Variants in RALYL observed in about 807,000 individuals in gnomAD.
RALYL encodes the protein RNA-binding Raly-like protein.
In RALYL, 29 loss-of-function variants were observed where a neutral mutation model predicts 35.1. That is an observed-to-expected ratio of 0.83 (90% CI 0.61 to 1.13). The LOEUF is 1.13. Ranked by LOEUF, RALYL falls within the 50% of genes most tolerant of loss-of-function variation. The pLI, the probability that RALYL is intolerant of heterozygous loss-of-function variation, is 0.00. For synonymous variants in RALYL, 120 were observed against 127.6 expected (o/e 0.94, Z 0.40); for missense variants, 359 against 360.4 (o/e 1.00, Z 0.03).
intron 2 of RALYL, among the ~76,000 whole-genome samples, chr8:84,646,688 TG>T (rs747436148): frequency 3.9e-5 from 6 of 152,068 alleles, no homozygotes. Context: ...TGCAGTGTTG[TG>T]GGCGGAGGGA....
intron 2 of RALYL, among the ~76,000 whole-genome samples, chr8:84,765,122 A>C (rs948840558): frequency 3.9e-5 from 6 of 152,008 alleles, no homozygotes; most frequent in Admixed American, 3.9e-4. Context: ...TGGGAGTTGA[A>C]TTTTCTTCTC....
At chr8:84,502,037 T>A (rs1158903289) in intron 1 of RALYL, among the ~76,000 whole-genome samples, 2 of 150,852 alleles carry the variant, frequency 1.3e-5, no homozygotes, top group Non-Finnish European at 3.0e-5. Flanking sequence ...TTTTGTAATT[T>A]ATATAACAAT....
At chr8:84,491,918 C>A (rs543416330) in intron 1 of RALYL, among the ~76,000 whole-genome samples, 1 of 151,716 alleles carries the variant, frequency 6.6e-6, no homozygotes, top group Non-Finnish European at 1.5e-5. Context: ...TCCTTAGAAT[C>A]TTCATTATTT....
At chr8:84,876,970 T>C (rs1586915376) in intron 7 of RALYL, among the ~76,000 whole-genome samples, 1 of 152,220 alleles carries the variant, frequency 6.6e-6, no homozygotes, top group African/African-American at 2.4e-5. Flanking sequence ...ACTCTACACA[T>C]GGCATGCACT....
intron 1 of RALYL, among the ~76,000 whole-genome samples, chr8:84,230,861 C>A (rs1161613831): frequency 1.3e-5 from 2 of 152,192 alleles, no homozygotes; most frequent in Non-Finnish European, 2.9e-5. Context: ...GTCAAGCAAT[C>A]ATTAAATAGC....
At chr8:84,748,349 T>A (rs1265618483) in intron 2 of RALYL, among the ~76,000 whole-genome samples, 1 of 151,928 alleles carries the variant, frequency 6.6e-6, no homozygotes, top group Non-Finnish European at 1.5e-5. Context: ...GATATTTGGA[T>A]AATATGGATG....
intron 1 of RALYL, among the ~76,000 whole-genome samples, chr8:84,425,258 C>A (rs1369733341): frequency 3.3e-5 from 5 of 152,084 alleles, no homozygotes; most frequent in African/African-American, 1.2e-4. Context: ...CGTGGTGCGC[C>A]GTTTTTTAAG....
At chr8:84,826,259 A>C (rs1395685761) in intron 4 of RALYL, among the ~76,000 whole-genome samples, 1 of 149,852 alleles carries the variant, frequency 6.7e-6, no homozygotes, top group Non-Finnish European at 1.5e-5. Flanking sequence ...AATGCACCCA[A>C]GTAACAAAAC....
At position 84,849,937 on chromosome 8, in the gene RALYL, CAT is replaced by C. The variant is rs745804296; in HGVS notation, c.366-42_366-41del. The C allele has an allele frequency of 9.7e-4, 1,058 of 1,093,860 alleles. 2 individuals are homozygous for C. Among genetic ancestry groups the C allele is most frequent in the Non-Finnish European group, 1.3e-3 (987 of 772,316 alleles). The allele number at this position is 1,093,860 out of a possible 1,614,324, so 67.8% of individuals were successfully genotyped here. ...CATAAGTTAATAATAAAATTAATGT[CAT>C]TGAAACAAATGCCAACTAATTTTTT... is the stretch of plus-strand genomic sequence containing the variant. On this transcript the variant is annotated intron_variant, in intron 4 of 8. Coordinates refer to ENST00000521268, the MANE Select transcript of RALYL (RefSeq NM_173848.7).
intron 1 of RALYL, among the ~76,000 whole-genome samples, chr8:84,412,080 T>G (rs1284124016): frequency 6.6e-6 from 1 of 151,990 alleles, no homozygotes; most frequent in Non-Finnish European, 1.5e-5. Flanking sequence ...TGTCTAAAAT[T>G]CATTATTTCA....
intron 1 of RALYL, among the ~76,000 whole-genome samples, chr8:84,433,814 C>T (rs62526849): frequency 0.027 from 1,719 of 62,604 alleles, 34 homozygotes; most frequent in Admixed American, 0.12. Context: ...TGTATGTGTG[C>T]GTGTGTGTGT....
intron 2 of RALYL, among the ~76,000 whole-genome samples, chr8:84,612,137 A>G (rs1425028918): frequency 6.6e-6 from 1 of 151,950 alleles, no homozygotes; most frequent in East Asian, 1.9e-4. Context: ...TAGAAGATTT[A>G]TATTTTGGGA....
chr8:84,381,267 A>C (rs1333134334), intron 1 of RALYL, among the ~76,000 whole-genome samples: 1 of 151,860 alleles, frequency 6.6e-6, no homozygotes. Context: ...TTTAATATTT[A>C]TATTTAGATC....
chr8:84,440,658 A>G (rs2048231799), intron 1 of RALYL, among the ~76,000 whole-genome samples: 3 of 152,016 alleles, frequency 2.0e-5, no homozygotes, highest in Non-Finnish European at 4.4e-5. Flanking sequence ...TTTGAGATTC[A>G]TCTACTTTGT....
chr8:84,864,765 G>A (rs1838839031), intron 6 of RALYL: 4 of 605,028 alleles, frequency 6.6e-6, no homozygotes, highest in Middle Eastern at 2.8e-4. Context: ...GTAGAAAACA[G>A]GGGCCCCTGG....
chr8:84,850,155 C>A, intron 5 of RALYL, 128 bp downstream of exon 5: 1 of 462,372 alleles, frequency 2.2e-6, no homozygotes, highest in East Asian at 3.6e-5. Flanking sequence ...AAATAAAATA[C>A]TAAATCCCAA....
chr8:84,435,483 A>G (rs534108994), intron 1 of RALYL, among the ~76,000 whole-genome samples: 10 of 152,300 alleles, frequency 6.6e-5, no homozygotes, highest in Non-Finnish European at 1.3e-4. Context: ...TTAGAGAAAA[A>G]AGGGAAAAAT....
rs534059168 is a variant in RALYL, at chr8:84,312,759, T to A, written c.-24+128335T>A. 1.1e-3 allele frequency among the ~76,000 whole-genome samples: 167 copies of A among 152,324 alleles called. 1 individual carries two copies. Among genetic ancestry groups the A allele is most frequent in the African/African-American group, 3.8e-3 (159 of 41,586 alleles). On this transcript the variant is annotated intron_variant, in intron 1 of 8. Transcript: ENST00000521268. ...TAAAGCCCTGGTGGCTGCCTTTCCTTTCCAGATGGCATTGAGTGTCTGTGG... is the reference window on the plus strand; with the variant it reads ...TAAAGCCCTGGTGGCTGCCTTTCCTATCCAGATGGCATTGAGTGTCTGTGG...
In RALYL at chr8:84,657,537, G is replaced by A. The variant is rs550922896; in HGVS notation, c.257-117042G>A. Among the ~76,000 whole-genome samples the A allele has an allele frequency of 3.3e-5, 5 of 152,256 alleles. No individual in the cohort carries two copies. The East Asian group carries it at 5.8e-4, about 18-fold the overall frequency. On this transcript the variant is annotated intron_variant, in intron 2 of 8. Transcript: ENST00000521268. The stretch of plus-strand genomic sequence containing the variant: ...TAGTAAAGGGGCTTTCTAGATATAC[G>A]TTACCAAGTTCAAAGAGAATAGGAA...
Sources: gnomAD v4.1 joint callset for allele counts (sites outside exome capture counted in the v4.1 genomes callset) on GRCh38, gnomAD v4.1.1 for gene constraint, MANE v1.5 for transcripts, NCBI Gene and HGNC (gene_info 2026-07-23, HGNC 2026-07-21) for gene names.